XIAP: variants seen among roughly 807,000 people sequenced by gnomAD.
The protein encoded by XIAP is X-linked inhibitor of apoptosis, also known as E3 ubiquitin-protein ligase XIAP.
XIAP carries 3 observed loss-of-function variants against 33.1 expected under a neutral mutation model. That is an observed-to-expected ratio of 0.09 (90% CI 0.04 to 0.23). XIAP has a LOEUF of 0.23. Ranked by LOEUF, XIAP falls within the 10% of genes least tolerant of loss-of-function variation. XIAP has a pLI of 1.00. For synonymous variants in XIAP, 98 were observed against 121.3 expected (o/e 0.81, Z 1.26); for missense variants, 264 against 363.0 (o/e 0.73, Z 2.22).
rs1387101299 is a variant in XIAP, at chrX:123,911,958, G to T, written c.*4777G>T. On this transcript the variant is annotated 3_prime_UTR_variant, in exon 7 of 7. Coordinates refer to ENST00000371199, the MANE Select transcript of XIAP (RefSeq NM_001167.4). Reference sequence around the variant, plus strand: ...TCAAAGGTGATGTAATTTGTGCAAAGATTATAGCTAATTAGTAGCAGAGCC... The same window carrying T: ...TCAAAGGTGATGTAATTTGTGCAAATATTATAGCTAATTAGTAGCAGAGCC... 3 of 326,845 alleles carry T rather than the reference G, an allele frequency of 9.2e-6. No individual in the cohort carries two copies. The highest frequency in any genetic ancestry group is 3.1e-5 in the Admixed American group (1 of 31,765). 26.9% of individuals were successfully genotyped at this position (326,845 alleles called of 1,213,427 possible).
intron 1 of XIAP, among the ~76,000 whole-genome samples, chrX:123,862,961 G>T (rs1288125650): frequency 9.0e-6 from 1 of 110,613 alleles, no homozygotes; most frequent in Non-Finnish European, 1.9e-5. Flanking sequence ...GCTGGCTTGT[G>T]CCTGTAGTCC....
At chrX:123,899,798 G>C (rs1316538705) in intron 5 of XIAP, among the ~76,000 whole-genome samples, 4 of 108,960 alleles carry the variant, frequency 3.7e-5, no homozygotes, top group African/African-American at 1.3e-4. Flanking sequence ...GGACATTTGA[G>C]TTGTTTCCAG....
At chrX:123,885,568 T>C in intron 1 of XIAP, 63 bp from the exon 2 acceptor site, 2 of 974,597 alleles carry the variant, frequency 2.1e-6, no homozygotes. Flanking sequence ...TTAGCTCCTA[T>C]AACAAAAGTC....
Position 123,913,479 on chromosome X carries a change from A to G in XIAP, c.*6298A>G, listed in dbSNP as rs2053625886. ...AGTGAGACTCCCTCTCAAAAACAAA[A>G]CAAAACAAAAAAATTAGACAAATGC... On this transcript the variant is annotated 3_prime_UTR_variant, in exon 7 of 7. Coordinates refer to ENST00000371199, the MANE Select transcript of XIAP (RefSeq NM_001167.4). 6.1e-6 allele frequency: 2 copies of G among 327,491 alleles called. No individual in the cohort carries two copies. Among genetic ancestry groups the G allele is most frequent in the African/African-American group, 5.3e-5 (2 of 37,602 alleles). The allele number at this position is 327,491 out of a possible 1,213,427, so 27.0% of individuals were successfully genotyped here.
At position 123,867,047 on chromosome X, in the gene XIAP, C is replaced by G. The variant is rs765424377; in HGVS notation, c.-33+6754C>G. ...TACAGGTTGTTTTAATCCCCCCCCC[C>G]CCTTCAACATTCTATAGTTAACATT... On this transcript the variant is annotated intron_variant, in intron 1 of 6. Transcript: ENST00000371199. Among the ~76,000 whole-genome samples the G allele has an allele frequency of 1.3e-4, 10 of 77,550 alleles. No homozygotes were observed. The East Asian group carries it at 3.1e-3, about 24-fold the overall frequency. The allele number at this position is 77,550 out of a possible 115,157, so 67.3% of individuals were successfully genotyped here.
At chrX:123,863,626 A>T (rs1399473797) in intron 1 of XIAP, among the ~76,000 whole-genome samples, 1 of 110,188 alleles carries the variant, frequency 9.1e-6, no homozygotes, top group Non-Finnish European at 1.9e-5. Flanking sequence ...TTCCTGCCTC[A>T]GCCTCCCGAG....
chrX:123,869,362 CAA>C (rs57436822), intron 1 of XIAP, among the ~76,000 whole-genome samples: 7,981 of 29,428 alleles, frequency 0.27, 564 homozygotes, highest in Middle Eastern at 0.5. Context: ...TAAAAAAATA[CAA>C]AAAAAAAAAA....
intron 1 of XIAP, among the ~76,000 whole-genome samples, chrX:123,884,964 C>CAAAAAAAAAAAAAAAAAAA (rs2053338621): frequency 1.1e-5 from 1 of 94,763 alleles, no homozygotes; most frequent in African/African-American, 4.2e-5. Flanking sequence ...AAAGTAACAG[C>CAAAAAAAAAAAAAAAAAAA]AATTAAGGTT....
intron 1 of XIAP, chrX:123,879,033 C>T (rs1480396130): frequency 8.9e-6 from 1 of 112,856 alleles, no homozygotes; most frequent in Admixed American, 9.6e-5. Context: ...TTCCCTGAAA[C>T]TTATGTACCA....
At chrX:123,860,387 C>T in intron 1 of XIAP, 94 bp downstream of exon 1, 2 of 308,833 alleles carry the variant, frequency 6.5e-6, no homozygotes, top group South Asian at 2.8e-5. Flanking sequence ...TTCCCTCGGG[C>T]CGGCGCTGCT....
intron 1 of XIAP, among the ~76,000 whole-genome samples, chrX:123,861,101 C>CA (rs2053075550): frequency 9.0e-6 from 1 of 111,466 alleles, no homozygotes; most frequent in Non-Finnish European, 1.9e-5. Flanking sequence ...AACAGTGTTA[C>CA]AGACGGCCAT....
chrX:123,899,213 A>G (rs1479173883), intron 5 of XIAP, among the ~76,000 whole-genome samples: 3 of 69,080 alleles, frequency 4.3e-5, no homozygotes, highest in African/African-American at 1.3e-4. Flanking sequence ...GTGTATATAT[A>G]TATGATTTTG....
intron 1 of XIAP, among the ~76,000 whole-genome samples, chrX:123,876,808 G>C (rs2053250007): frequency 8.9e-6 from 1 of 111,834 alleles, no homozygotes; most frequent in Admixed American, 9.6e-5. Context: ...AGTCTTCCTA[G>C]AATAATCCCA....
intron 1 of XIAP, among the ~76,000 whole-genome samples, chrX:123,861,427 T>TC (rs961050660): frequency 9.1e-6 from 1 of 110,446 alleles, no homozygotes; most frequent in African/African-American, 3.3e-5. Context: ...TACTTGAGAT[T>TC]CCCCCCCACC....
At chrX:123,888,747 G>A (rs1450810378) in intron 3 of XIAP, 29 bp downstream of exon 3, 1 of 1,161,372 alleles carries the variant, frequency 8.6e-7, no homozygotes, top group Non-Finnish European at 1.2e-6. Flanking sequence ...CATTGTACAG[G>A]CAAGTTGGAT....
At chrX:123,867,040 C>A (rs1339735497) in intron 1 of XIAP, among the ~76,000 whole-genome samples, 3 of 68,053 alleles carry the variant, frequency 4.4e-5, no homozygotes, top group African/African-American at 1.7e-4. Context: ...GTTTTAATCC[C>A]CCCCCCCCCT....
chrX:123,896,994 C>T (rs2053467139), intron 5 of XIAP, among the ~76,000 whole-genome samples: 1 of 93,814 alleles, frequency 1.1e-5, no homozygotes, highest in African/African-American at 4.1e-5. Flanking sequence ...TGCAATGGTG[C>T]CATCTCAGCT....
At chrX:123,888,878 A>G (rs900187355) in intron 3 of XIAP, among the ~76,000 whole-genome samples, 160 bp downstream of exon 3, 2 of 112,350 alleles carry the variant, frequency 1.8e-5, no homozygotes, top group African/African-American at 3.2e-5. Context: ...CTGATGACCA[A>G]AAACATTCAC....
rs184864412 is a variant in XIAP at position 123,897,076 on chromosome X, C to T, written c.1100-3417C>T. Among the ~76,000 whole-genome samples, 201 of 107,531 alleles carry T rather than the reference C, an allele frequency of 1.9e-3. 3 individuals are homozygous for T. The highest frequency in any genetic ancestry group is 9.3e-3 in the Admixed American group (92 of 9,890). 93.4% of individuals were successfully genotyped at this position (107,531 alleles called of 115,157 possible). ...CCTCCCCAGTAGCTGGGATTACAGG[C>T]GTGCACCACCATGCCTGGCTAATTT... is the stretch of plus-strand genomic sequence containing the variant. On this transcript the variant is annotated intron_variant, in intron 5 of 6. Coordinates refer to ENST00000371199, the MANE Select transcript of XIAP (RefSeq NM_001167.4).
Sources: gnomAD v4.1 joint callset for allele counts (sites outside exome capture counted in the v4.1 genomes callset) on GRCh38, gnomAD v4.1.1 for gene constraint, MANE v1.5 for transcripts, NCBI Gene and HGNC (gene_info 2026-07-23, HGNC 2026-07-21) for gene names.